JRK: variants seen among roughly 807,000 people sequenced by gnomAD.
JRK encodes Jrk helix-turn-helix protein, also known as jerky protein homolog.
For synonymous variants in JRK, 303 were observed against 218.1 expected, an observed-to-expected ratio of 1.39 and a Z score of -3.43; for missense variants, 720 against 509.2, an observed-to-expected ratio of 1.41 and a Z score of -3.98.
downstream of JRK, among the ~76,000 whole-genome samples, chr8:142,655,034 G>A (rs1302495608): frequency 6.6e-6 from 1 of 152,118 alleles, no homozygotes; most frequent in African/African-American, 2.4e-5. Context: ...CGGCTTCAAG[G>A]GCTTCTTGAG....
At chr8:142,657,177 T>G (rs587741545), downstream of JRK, among the ~76,000 whole-genome samples, 1 of 152,158 alleles carries the variant, frequency 6.6e-6, no homozygotes, top group Non-Finnish European at 1.5e-5. Flanking sequence ...TGGGCTGACT[T>G]GCACTGCTAG....
the JRK span, among the ~76,000 whole-genome samples, chr8:142,646,014 G>A: frequency 2.6e-5 from 4 of 151,260 alleles, no homozygotes; most frequent in African/African-American, 4.9e-5. Context: ...TTTTTAGAAA[G>A]AATGTTTTCC....
At chr8:142,645,720 TAC>T in the JRK span, among the ~76,000 whole-genome samples, 3 of 152,064 alleles carry the variant, frequency 2.0e-5, no homozygotes, top group Non-Finnish European at 4.4e-5. Flanking sequence ...TACTGTGACT[TAC>T]ACAGACCATT....
chr8:142,667,081 C>T (rs924245122), intron 1 of JRK, among the ~76,000 whole-genome samples: 19 of 152,342 alleles, frequency 1.2e-4, no homozygotes, highest in Non-Finnish European at 2.1e-4. Flanking sequence ...CTCTCTCCGA[C>T]ACAGAGCGCC....
chr8:142,662,985 C>T lies in JRK; in HGVS notation c.*1367G>A, dbSNP rs1554634802. The T allele has an allele frequency of 3.3e-6, 2 of 598,372 alleles. No homozygotes were observed. Among genetic ancestry groups the T allele is most frequent in the South Asian group, 7.3e-5 (1 of 13,678 alleles). The allele number at this position is 598,372 out of a possible 1,614,324, so 37.1% of individuals were successfully genotyped here. On this transcript the variant is annotated 3_prime_UTR_variant, in exon 2 of 2. Transcript: ENST00000612905. ...GACCAGCCTGGGCAACACAGTGAGA[C>T]CCTGTCTCTACAAAAAAAATAAAAA...
Position 142,659,782 on chromosome 8 carries a change from G to A in JRK, c.*4570C>T, listed in dbSNP as rs749297065. ...CAGCAGGGAGTGAGCAGTGGAGAACGTGAGGCTGGTCATTAGGAGCAGGTA... is the reference window on the plus strand; with the variant it reads ...CAGCAGGGAGTGAGCAGTGGAGAACATGAGGCTGGTCATTAGGAGCAGGTA... On this transcript the variant is annotated 3_prime_UTR_variant, in exon 2 of 2. Coordinates refer to ENST00000612905, the MANE Select transcript of JRK (RefSeq NM_003724.4). 1.8e-3 allele frequency: 1,798 copies of A among 985,452 alleles called. 1 individual carries two copies. The highest frequency in any genetic ancestry group is 2.0e-3 in the Non-Finnish European group (1,680 of 830,016). The allele number at this position is 985,452 out of a possible 1,614,324, so 61.0% of individuals were successfully genotyped here.
chr8:142,648,624 T>G, the JRK span, among the ~76,000 whole-genome samples: 2 of 152,252 alleles, frequency 1.3e-5, no homozygotes, highest in Non-Finnish European at 2.9e-5. Flanking sequence ...TGGAAATGCC[T>G]GGATGCCCAG....
chr8:142,651,634 TAG>T, the JRK span, among the ~76,000 whole-genome samples: 1 of 151,486 alleles, frequency 6.6e-6, no homozygotes, highest in Admixed American at 6.6e-5. Context: ...TCAAGTCAGA[TAG>T]AATTGGTCAA....
Position 142,659,347 on chromosome 8 carries a change from G to T in JRK, c.*5005C>A. ...CACTGGGCAACACATTCCCTGCTCT[G>T]GACCTCAGTTCCTTTGGCTACTAAG... On this transcript the variant is annotated 3_prime_UTR_variant, in exon 2 of 2. Coordinates refer to ENST00000612905, the MANE Select transcript of JRK (RefSeq NM_003724.4). 21 of 993,502 alleles carry T rather than the reference G, an allele frequency of 2.1e-5. No individual in the cohort carries two copies. Among genetic ancestry groups the T allele is most frequent in the Non-Finnish European group, 2.5e-5 (21 of 834,902 alleles). The allele number at this position is 993,502 out of a possible 1,614,324, so 61.5% of individuals were successfully genotyped here.
chr8:142,664,373 T>A lies in JRK; in HGVS notation c.1686A>T (p.Ser562=), dbSNP rs782116820. Reference sequence around the variant, plus strand: ...GCCATCAGTTGTCACCTGCTGTGGATGAGCAGGGCAAGGGAGACTGAGCTG... The same window carrying A: ...GCCATCAGTTGTCACCTGCTGTGGAAGAGCAGGGCAAGGGAGACTGAGCTG... The part of the protein sequence containing the change: ...GATAQSPLPC[S]STAGDN Residue 562 remains serine (S), a synonymous_variant, in exon 2 of 2, where the codon TCA becomes TCT. Coordinates refer to ENST00000612905, the MANE Select transcript of JRK (RefSeq NM_003724.4). 1.3e-6 allele frequency: 2 copies of A among 1,569,382 alleles called. No individual in the cohort carries two copies. The highest frequency in any genetic ancestry group is 1.8e-5 in the Admixed American group (1 of 56,242).
At chr8:142,646,951 A>G in the JRK span, among the ~76,000 whole-genome samples, 1 of 152,178 alleles carries the variant, frequency 6.6e-6, no homozygotes, top group Non-Finnish European at 1.5e-5. Context: ...TGTCAATTAA[A>G]TAGCCCTAAG....
chr8:142,648,833 C>CG, the JRK span, among the ~76,000 whole-genome samples: 1 of 152,188 alleles, frequency 6.6e-6, no homozygotes, highest in Non-Finnish European at 1.5e-5. Context: ...CCTGGAAAAG[C>CG]CACAGACACT....
chr8:142,647,339 A>G, the JRK span, among the ~76,000 whole-genome samples: 3 of 152,186 alleles, frequency 2.0e-5, no homozygotes, highest in African/African-American at 7.2e-5. Context: ...GTACAGCAAA[A>G]TAAATGTTAA....
Position 142,666,337 on chromosome 8 carries a change from A to T in JRK, c.-279T>A. On this transcript the variant is annotated 5_prime_UTR_variant, in exon 2 of 2. Transcript: ENST00000612905. ...CAGCTGCCAATTCTCTCTGTGGAGGAGGTGACCCTGTCAGACTCCCCTCTG... is the reference window on the plus strand; with the variant it reads ...CAGCTGCCAATTCTCTCTGTGGAGGTGGTGACCCTGTCAGACTCCCCTCTG... The T allele has an allele frequency of 5.5e-6, 3 of 543,742 alleles. No individual in the cohort carries two copies. Among genetic ancestry groups the T allele is most frequent in the Non-Finnish European group, 6.9e-6 (2 of 291,880 alleles). 33.7% of individuals were successfully genotyped at this position (543,742 alleles called of 1,614,324 possible).
rs1314110930 is a variant in JRK, at chr8:142,662,509, G to A, written c.*1843C>T. On this transcript the variant is annotated 3_prime_UTR_variant, in exon 2 of 2. Coordinates refer to ENST00000612905, the MANE Select transcript of JRK (RefSeq NM_003724.4). ...CCCCAGACAATGAAGCAAACAGTGC[G>A]GGTGACACCACAAAGACAATGGGAC... 6 of 985,278 alleles carry A rather than the reference G, an allele frequency of 6.1e-6. No homozygotes were observed. The highest frequency in any genetic ancestry group is 1.1e-4 in the East Asian group (1 of 8,818). 61.0% of individuals were successfully genotyped at this position (985,278 alleles called of 1,614,324 possible).
chr8:142,645,164 C>T, the JRK span, among the ~76,000 whole-genome samples: 1 of 152,182 alleles, frequency 6.6e-6, no homozygotes, highest in African/African-American at 2.4e-5. Context: ...GATTTAGTTC[C>T]TGTCAGTGTT....
In JRK at chr8:142,665,720, G is replaced by C; in HGVS notation, c.339C>G (p.Ile113Met). The C allele has an allele frequency of 1.3e-6, 1 of 765,224 alleles. No individual in the cohort carries two copies. Among genetic ancestry groups the C allele is most frequent in the South Asian group, 1.4e-5 (1 of 71,758 alleles). 47.4% of individuals were successfully genotyped at this position (765,224 alleles called of 1,614,324 possible). Residue 113 changes from isoleucine (I) to methionine (M), a missense_variant, in exon 2 of 2, where the codon ATC becomes ATG. Physicochemically the swap from Ile to Met is conservative, Grantham distance 10. Transcript: ENST00000612905. ...EGVPVSGPML[I>M]EKAKDFYEQM... ...GCTCGTAGAAGTCCTTGGCCTTCTC[G>C]ATGAGCATGGGGCCTGACACGGGGA...
rs1335311403 is a variant in JRK, at chr8:142,669,949, G to C, written c.-480C>G. 4 of 153,604 alleles carry C rather than the reference G, an allele frequency of 2.6e-5. No individual in the cohort carries two copies. Among genetic ancestry groups the C allele is most frequent in the African/African-American group, 9.7e-5 (4 of 41,440 alleles). 9.5% of individuals were successfully genotyped at this position (153,604 alleles called of 1,614,324 possible). A position where few individuals can be genotyped will look rare whatever the true frequency, so the allele number is the denominator to read the frequency against. ...CTACTCACCCTGCTCACCCGGAGCA[G>C]CCGCCGCCGGCCGGAAGTGCCGGCC... On this transcript the variant is annotated 5_prime_UTR_variant, in exon 1 of 2. Coordinates refer to ENST00000612905, the MANE Select transcript of JRK (RefSeq NM_003724.4).
rs587709523 is a variant in JRK, at chr8:142,666,073, G to A, written c.-15C>T. 6 of 1,601,262 alleles carry A rather than the reference G, an allele frequency of 3.7e-6. No individual in the cohort carries two copies. The East Asian group carries it at 1.1e-4, about 30-fold the overall frequency. On this transcript the variant is annotated 5_prime_UTR_variant, in exon 2 of 2. Coordinates refer to ENST00000612905, the MANE Select transcript of JRK (RefSeq NM_003724.4). ...TTGGAGGCCATGGGGAGGGGTGGCT[G>A]GTCCTAGCACTTGCAGGACACACGC...
Sources: gnomAD v4.1 joint callset for allele counts (sites outside exome capture counted in the v4.1 genomes callset) on GRCh38, gnomAD v4.1.1 for gene constraint, MANE v1.5 for transcripts, NCBI Gene and HGNC (gene_info 2026-07-23, HGNC 2026-07-21) for gene names.